ZNF385D: variants seen among roughly 807,000 people sequenced by gnomAD.
The protein encoded by ZNF385D is zinc finger protein 659.
Under a neutral mutation model 35.8 loss-of-function variants are expected in ZNF385D, and 15 were observed. The ratio of observed to expected loss-of-function variants is 0.42; its 90% CI spans 0.28 to 0.64. ZNF385D has a LOEUF of 0.64. Ranked by LOEUF, ZNF385D falls within the 30% of genes least tolerant of loss-of-function variation. The pLI is 0.23. For missense variants in ZNF385D, 474 were observed against 494.6 expected, an observed-to-expected ratio of 0.96 and a Z score of 0.39; for synonymous variants, 212 against 186.8, an observed-to-expected ratio of 1.13 and a Z score of -1.10.
At chr3:22,308,413 A>T (rs954752775) in intron 2 of ZNF385D, among the ~76,000 whole-genome samples, 3 of 151,976 alleles carry the variant, frequency 2.0e-5, no homozygotes, top group Admixed American at 1.3e-4. Context: ...CAAAAACATT[A>T]TAAGAACAAT....
intron 2 of ZNF385D, among the ~76,000 whole-genome samples, chr3:22,249,316 C>A (rs1699949849): frequency 1.3e-5 from 2 of 152,066 alleles, no homozygotes; most frequent in African/African-American, 4.8e-5. Context: ...GTAATGCAAA[C>A]AATAATGTGT....
intron 3 of ZNF385D, among the ~76,000 whole-genome samples, chr3:22,094,211 G>A (rs1477065602): frequency 1.4e-5 from 2 of 146,432 alleles, no homozygotes; most frequent in African/African-American, 5.0e-5. Context: ...TGTTCATATT[G>A]CATTGTCAAG....
At chr3:21,528,887 T>C (rs935099238) in intron 3 of ZNF385D, among the ~76,000 whole-genome samples, 1 of 152,198 alleles carries the variant, frequency 6.6e-6, no homozygotes, top group Admixed American at 6.5e-5. Flanking sequence ...TTTGTCTAAA[T>C]GAAGCATCAA....
chr3:22,250,243 C>T (rs1489743107), intron 2 of ZNF385D, among the ~76,000 whole-genome samples: 7 of 152,020 alleles, frequency 4.6e-5, no homozygotes, highest in African/African-American at 1.7e-4. Flanking sequence ...TTCCAGTATT[C>T]CTTGAGTGGG....
intron 3 of ZNF385D, among the ~76,000 whole-genome samples, chr3:21,519,498 G>C (rs1007038176): frequency 1.3e-5 from 2 of 152,162 alleles, no homozygotes; most frequent in African/African-American, 4.8e-5. Flanking sequence ...TATTATGAAA[G>C]AAACCCTTGC....
At chr3:21,823,307 A>G (rs1198478091) in intron 3 of ZNF385D, among the ~76,000 whole-genome samples, 2 of 152,128 alleles carry the variant, frequency 1.3e-5, no homozygotes, top group African/African-American at 2.4e-5. Context: ...GGTTTAAATC[A>G]CTGTAGCCAA....
intron 2 of ZNF385D, among the ~76,000 whole-genome samples, chr3:21,582,724 C>G (rs550788850): frequency 6.6e-5 from 10 of 152,206 alleles, no homozygotes; most frequent in African/African-American, 2.4e-4. Context: ...CATGTAGGTA[C>G]AGTCACCTTT....
In ZNF385D at chr3:22,089,509, T is replaced by A. The variant is rs149652104; in HGVS notation, c.325+79308A>T. Among the ~76,000 whole-genome samples the A allele has an allele frequency of 2.8e-3, 420 of 152,294 alleles. 1 individual carries two copies. The highest frequency in any genetic ancestry group is 5.8e-3 in the South Asian group (28 of 4,818). ...TTTCTGCAACACCTGGCTCCAGCAG[T>A]GTGCATGGCTTCTGTAAGTGTGCTT... On this transcript the variant is annotated intron_variant, in intron 3 of 5. Transcript: ENST00000494108.
At chr3:22,130,518 A>G (rs1430469736) in intron 3 of ZNF385D, among the ~76,000 whole-genome samples, 1 of 152,090 alleles carries the variant, frequency 6.6e-6, no homozygotes, top group Non-Finnish European at 1.5e-5. Context: ...GCTGGTCTAA[A>G]TGCTTCCTCC....
chr3:22,065,992 T>C (rs1346981455), intron 3 of ZNF385D, among the ~76,000 whole-genome samples: 1 of 152,134 alleles, frequency 6.6e-6, no homozygotes, highest in Non-Finnish European at 1.5e-5. Flanking sequence ...GGATTATTTA[T>C]TCCTGAAAGT....
At chr3:22,143,156 C>T (rs1704629909) in intron 3 of ZNF385D, among the ~76,000 whole-genome samples, 1 of 150,872 alleles carries the variant, frequency 6.6e-6, no homozygotes, top group South Asian at 2.1e-4. Flanking sequence ...GATCTCCGCT[C>T]ACTCTAAGCT....
At chr3:21,723,806 G>A (rs1266724214) in intron 1 of ZNF385D, among the ~76,000 whole-genome samples, 2 of 152,022 alleles carry the variant, frequency 1.3e-5, no homozygotes, top group African/African-American at 2.4e-5. Flanking sequence ...AGAACACCAC[G>A]AAGATACTCC....
intron 3 of ZNF385D, among the ~76,000 whole-genome samples, chr3:21,975,737 A>ATATATG (rs1212854765): frequency 4.4e-5 from 3 of 67,606 alleles, no homozygotes; most frequent in Non-Finnish European, 8.0e-5. Flanking sequence ...ATATATATAT[A>ATATATG]TATATATATA....
chr3:22,010,971 A>C (rs2125436648), intron 3 of ZNF385D, among the ~76,000 whole-genome samples: 1 of 152,292 alleles, frequency 6.6e-6, no homozygotes, highest in Non-Finnish European at 1.5e-5. Context: ...TGAATACATG[A>C]AATAAAATCC....
At chr3:21,995,131 A>C (rs1032728683) in intron 3 of ZNF385D, among the ~76,000 whole-genome samples, 5 of 152,212 alleles carry the variant, frequency 3.3e-5, no homozygotes, top group African/African-American at 1.2e-4. Context: ...AGCATCAATA[A>C]GCCAACCTTC....
chr3:22,304,234 T>C (rs1347712938), intron 2 of ZNF385D, among the ~76,000 whole-genome samples: 2 of 152,206 alleles, frequency 1.3e-5, no homozygotes, highest in Admixed American at 1.3e-4. Flanking sequence ...TAATTAGGTA[T>C]GATATTTTAA....
chr3:21,445,072 T>C (rs976472529), intron 4 of ZNF385D, among the ~76,000 whole-genome samples: 7 of 152,312 alleles, frequency 4.6e-5, no homozygotes, highest in African/African-American at 1.7e-4. Flanking sequence ...CCTGAGGAGA[T>C]AAGTAGGATC....
At chr3:22,083,026 G>C (rs577912671) in intron 3 of ZNF385D, among the ~76,000 whole-genome samples, 156 of 152,280 alleles carry the variant, frequency 1.0e-3, no homozygotes, top group African/African-American at 3.7e-3. Context: ...GAAAGGAATA[G>C]CATCAACATC....
intron 2 of ZNF385D, among the ~76,000 whole-genome samples, chr3:22,183,950 T>C (rs1277615124): frequency 6.6e-6 from 1 of 152,104 alleles, no homozygotes; most frequent in Non-Finnish European, 1.5e-5. Flanking sequence ...TTTATTTAGG[T>C]TAAGATTTAA....
Sources: allele counts gnomAD v4.1 joint callset (sites outside exome capture counted in the v4.1 genomes callset), GRCh38; gene constraint gnomAD v4.1.1; transcripts MANE v1.5; gene names NCBI Gene and HGNC (gene_info 2026-07-23, HGNC 2026-07-21).